The following ACSL3 variants were observed in gnomAD, a reference collection of about 807,000 sequenced individuals.
ACSL3 encodes fatty acid CoA ligase Acsl3.
Under a neutral mutation model 84.7 loss-of-function variants are expected in ACSL3, and 34 were observed. That is an observed-to-expected ratio of 0.40 (90% CI 0.31 to 0.53). ACSL3 has a LOEUF of 0.53. ACSL3 is among the 20% of genes least tolerant of loss of function. ACSL3 has a pLI of 0.48. For synonymous variants in ACSL3, 315 were observed against 299.4 expected, an observed-to-expected ratio of 1.05 and a Z score of -0.54; for missense variants, 680 against 873.1, an observed-to-expected ratio of 0.78 and a Z score of 2.79.
chr2:222,932,988 G>A, intron 14 of ACSL3, 178 bp from the exon 15 acceptor site: 1 of 476,042 alleles, frequency 2.1e-6, no homozygotes, highest in East Asian at 3.4e-5. Context: ...ACAAAAATTA[G>A]GGCCTAATTT....
Position 222,943,071 on chromosome 2 carries a change from CA to C in ACSL3, c.*1421del. On this transcript the variant is annotated 3_prime_UTR_variant, in exon 17 of 17. Transcript: ENST00000357430. ...GTTGATTCTCAGTTACTGTAGGCAT[CA>C]AAAGGCAAAAATCAAAAAAAAAAAA... 1 of 173,920 alleles carries C rather than the reference CA, an allele frequency of 5.7e-6. No individual in the cohort carries two copies. The highest frequency in any genetic ancestry group is 1.1e-5 in the Non-Finnish European group (1 of 92,582). The allele number at this position is 173,920 out of a possible 1,614,324, so 10.8% of individuals were successfully genotyped here.
intron 2 of ACSL3, among the ~76,000 whole-genome samples, chr2:222,899,963 G>A (rs1158209963): frequency 6.6e-6 from 1 of 152,116 alleles, no homozygotes. Flanking sequence ...TTCTGGGAAT[G>A]CAGCCCAGCA....
chr2:222,884,001 C>A (rs1033613478), intron 1 of ACSL3, among the ~76,000 whole-genome samples: 5 of 152,158 alleles, frequency 3.3e-5, no homozygotes, highest in Admixed American at 2.0e-4. Flanking sequence ...ATTACATAGA[C>A]ATATTTTAAA....
intron 12 of ACSL3, among the ~76,000 whole-genome samples, chr2:222,928,089 T>C (rs757222833): frequency 1.3e-5 from 2 of 152,258 alleles, no homozygotes; most frequent in Non-Finnish European, 2.9e-5. Context: ...AATAAAAGTC[T>C]TTAAAATGTT....
At chr2:222,934,741 C>A in intron 16 of ACSL3, 54 bp downstream of exon 16, 1 of 1,562,030 alleles carries the variant, frequency 6.4e-7, no homozygotes, top group Non-Finnish European at 8.7e-7. Context: ...AGAGTACTTA[C>A]ATGCATTCAA....
rs902725110 is a variant in ACSL3 at position 222,941,568 on chromosome 2, C to T, written c.2077C>T (p.Leu693=). 1.6e-5 allele frequency: 25 copies of T among 1,612,824 alleles called. No homozygotes were observed. The Admixed American group carries it at 1.8e-4, about 12-fold the overall frequency. Residue 693 remains leucine, a synonymous_variant, in exon 17 of 17, where the codon CTG becomes TTG. Transcript: ENST00000357430. ...SPEPWTPETG[L]VTDAFKLKRK... ...TGAACCGTGGACCCCTGAAACTGGTCTGGTGACAGATGCCTTCAAGCTGAA... is the reference window on the plus strand; with the variant it reads ...TGAACCGTGGACCCCTGAAACTGGTTTGGTGACAGATGCCTTCAAGCTGAA...
At chr2:222,933,044 G>A in intron 14 of ACSL3, 122 bp from the exon 15 acceptor site, 1 of 579,522 alleles carries the variant, frequency 1.7e-6, no homozygotes, top group Non-Finnish European at 2.9e-6. Context: ...GCTTAATTTT[G>A]CAAAGTTTTA....
intron 2 of ACSL3, among the ~76,000 whole-genome samples, chr2:222,888,871 C>T (rs192866978): frequency 3.2e-4 from 48 of 152,242 alleles, no homozygotes; most frequent in Admixed American, 2.6e-3. Context: ...TTTAATAGTA[C>T]GCCTCACTTT....
chr2:222,886,923 A>G (rs1219884420), intron 1 of ACSL3, among the ~76,000 whole-genome samples: 1 of 152,208 alleles, frequency 6.6e-6, no homozygotes, highest in Non-Finnish European at 1.5e-5. Flanking sequence ...ACATTGACAC[A>G]TCGTTATCAC....
intron 3 of ACSL3, among the ~76,000 whole-genome samples, chr2:222,907,061 G>C (rs1463803135): frequency 6.6e-6 from 1 of 152,212 alleles, no homozygotes; most frequent in Non-Finnish European, 1.5e-5. Context: ...TTGTTCTGGA[G>C]CTGGGGCTGG....
rs779812118 is a variant in ACSL3, at chr2:222,921,359, G to A, written c.885G>A (p.Lys295=). The change falls in exon 8 of 17, where the codon AAG becomes AAA. Residue 295 remains lysine (K), a synonymous_variant. Coordinates refer to ENST00000357430, the MANE Select transcript of ACSL3 (RefSeq NM_004457.5). ...MYTSGSTGLP[K]GVMISHSNII... is the part of the protein sequence containing the mutation. ...CAAGTGGATCCACAGGACTTCCAAA[G>A]GGAGTCATGATCTCACATAGTAACA... 1.0e-5 allele frequency: 16 copies of A among 1,604,476 alleles called. No homozygotes were observed. The highest frequency in any genetic ancestry group is 1.4e-5 in the Non-Finnish European group (16 of 1,171,952).
intron 1 of ACSL3, among the ~76,000 whole-genome samples, chr2:222,885,564 A>C (rs1029430053): frequency 6.6e-6 from 1 of 152,200 alleles, no homozygotes; most frequent in African/African-American, 2.4e-5. Flanking sequence ...AACTATGGAT[A>C]TGAATTATAT....
chr2:222,873,404 G>A (rs1223546402), intron 1 of ACSL3, among the ~76,000 whole-genome samples: 2 of 152,076 alleles, frequency 1.3e-5, no homozygotes, highest in Non-Finnish European at 2.9e-5. Flanking sequence ...TCAATTTCTT[G>A]TTTAAAAGAT....
intron 3 of ACSL3, among the ~76,000 whole-genome samples, chr2:222,903,797 C>G (rs1332989994): frequency 1.3e-5 from 2 of 152,052 alleles, no homozygotes; most frequent in East Asian, 1.9e-4. Flanking sequence ...GATGTAAAAC[C>G]CTTTTTGCCA....
intron 3 of ACSL3, among the ~76,000 whole-genome samples, chr2:222,906,570 G>A (rs1211679809): frequency 6.6e-6 from 1 of 151,678 alleles, no homozygotes; most frequent in Non-Finnish European, 1.5e-5. Flanking sequence ...AACTTCTACA[G>A]TAGTTGGTTA....
intron 11 of ACSL3, among the ~76,000 whole-genome samples, chr2:222,926,109 G>A (rs1696869022): frequency 6.6e-6 from 1 of 151,918 alleles, no homozygotes; most frequent in South Asian, 2.1e-4. Context: ...GTATTCTGGG[G>A]AAAAAACAAT....
At chr2:222,924,924 G>T (rs1367296753) in intron 11 of ACSL3, among the ~76,000 whole-genome samples, 1 of 151,998 alleles carries the variant, frequency 6.6e-6, no homozygotes, top group Non-Finnish European at 1.5e-5. Flanking sequence ...TACTCAGGAG[G>T]CTGAGGCAGG....
Position 222,921,483 on chromosome 2 carries a change from T to A in ACSL3, c.956+53T>A, listed in dbSNP as rs1696737500. The A allele has an allele frequency of 3.4e-6, 5 of 1,470,382 alleles. No homozygotes were observed. The African/African-American group carries it at 5.5e-5, about 16-fold the overall frequency. The allele number at this position is 1,470,382 out of a possible 1,614,324, so 91.1% of individuals were successfully genotyped here. ...AGTTAAGTATTTATGTCTGTTATAA[T>A]GTTAGCATTTGTGTCATTTTATTAA... is the stretch of plus-strand genomic sequence containing the variant. On this transcript the variant is annotated intron_variant, in intron 8 of 16. Coordinates refer to ENST00000357430, the MANE Select transcript of ACSL3 (RefSeq NM_004457.5).
At chr2:222,884,128 T>C (rs1487231492) in intron 1 of ACSL3, among the ~76,000 whole-genome samples, 3 of 152,246 alleles carry the variant, frequency 2.0e-5, no homozygotes, top group Non-Finnish European at 4.4e-5. Context: ...AACTTTATCT[T>C]CTGTCTGGAT....
Sources: allele counts gnomAD v4.1 joint callset (sites outside exome capture counted in the v4.1 genomes callset), GRCh38; gene constraint gnomAD v4.1.1; transcripts MANE v1.5; gene names NCBI Gene and HGNC (gene_info 2026-07-23, HGNC 2026-07-21).